Variants in GLP1R observed in about 807,000 individuals in gnomAD.
The protein encoded by GLP1R is glucagon like peptide 1 receptor.
In GLP1R, 32 loss-of-function variants were observed where a neutral mutation model predicts 68.4. That is an observed-to-expected ratio of 0.47 (90% CI 0.35 to 0.63). The LOEUF (loss-of-function observed/expected upper bound fraction) is 0.63, where lower values mean the gene tolerates loss of function less well. Among genes scored for constraint, GLP1R ranks in the 20% least tolerant of loss-of-function variants. The probability of loss-of-function intolerance (pLI) is 0.00; values close to 1 mark genes in which losing one functional copy is unlikely to be tolerated. For synonymous variants in GLP1R, 263 were observed against 244.4 expected, an observed-to-expected ratio of 1.08 and a Z score of -0.71; for missense variants, 502 against 594.9, an observed-to-expected ratio of 0.84 and a Z score of 1.62.
In GLP1R at chr6:39,085,915, G is replaced by C; in HGVS notation, c.1234G>C (p.Glu412Gln). The C allele has an allele frequency of 6.2e-7, 1 of 1,613,912 alleles. No individual in the cohort carries two copies. The highest frequency in any genetic ancestry group is 2.2e-5 in the East Asian group (1 of 44,878). The change falls in exon 13 of 13, where the codon GAA (glutamate) becomes CAA (glutamine). Residue 412 changes from glutamate to glutamine, a missense_variant. Transcript: ENST00000373256. ...YCFVNNEVQL[E>Q]FRKSWERWRL... is the part of the protein sequence containing the mutation. Reference sequence around the variant, plus strand: ...CCTTTTCCCATGGAAGGTCCAGCTGGAATTTCGGAAGAGCTGGGAGCGCTG... The same window carrying C: ...CCTTTTCCCATGGAAGGTCCAGCTGCAATTTCGGAAGAGCTGGGAGCGCTG...
At chr6:39,075,029 TACAGGCAGAGCAGGCCCTGG>T (rs1768776783) in intron 7 of GLP1R, among the ~76,000 whole-genome samples, 1 of 152,200 alleles carries the variant, frequency 6.6e-6, no homozygotes, top group Non-Finnish European at 1.5e-5. Context: ...GGCAGGGCCT[TACAGGCAGAGCAGGCCCTGG>T]AACCCAGGCC....
intron 1 of GLP1R, among the ~76,000 whole-genome samples, chr6:39,056,157 T>C (rs1415383851): frequency 6.6e-6 from 1 of 152,216 alleles, no homozygotes; most frequent in African/African-American, 2.4e-5. Flanking sequence ...AGACATTTGC[T>C]GGGTGCTCGT....
In GLP1R at chr6:39,061,557, G is replaced by A. The variant is rs144656634; in HGVS notation, c.283+3978G>A. Among the ~76,000 whole-genome samples, 254 of 152,304 alleles carry A rather than the reference G, an allele frequency of 1.7e-3. 1 individual carries two copies. The highest frequency in any genetic ancestry group is 3.2e-3 in the Non-Finnish European group (217 of 68,016). On this transcript the variant is annotated intron_variant, in intron 3 of 12. Transcript: ENST00000373256. Reference sequence around the variant, plus strand: ...TACGACAGCCTGGGGTTGCCAAGGGGAAACTGAGGCCCAAGCTTGTCCCCA... The same window carrying A: ...TACGACAGCCTGGGGTTGCCAAGGGAAAACTGAGGCCCAAGCTTGTCCCCA...
intron 3 of GLP1R, among the ~76,000 whole-genome samples, chr6:39,063,789 C>T (rs1768416639): frequency 6.6e-6 from 1 of 151,966 alleles, no homozygotes; most frequent in Admixed American, 6.6e-5. Context: ...AAAGTTGTCC[C>T]TGCCACATTT....
intron 5 of GLP1R, among the ~76,000 whole-genome samples, chr6:39,068,290 C>T (rs1171387923): frequency 1.3e-5 from 2 of 152,156 alleles, no homozygotes; most frequent in Admixed American, 6.5e-5. Context: ...CCCCAAGTCT[C>T]CCCGAAGCCC....
chr6:39,081,587 C>T (rs1583650931), intron 12 of GLP1R, among the ~76,000 whole-genome samples: 1 of 152,172 alleles, frequency 6.6e-6, no homozygotes, highest in Admixed American at 6.5e-5. Context: ...GCTTTGGAAT[C>T]CCAGAGCTCA....
At chr6:39,071,616 G>T (rs1241140826) in intron 5 of GLP1R, among the ~76,000 whole-genome samples, 2 of 151,924 alleles carry the variant, frequency 1.3e-5, no homozygotes, top group African/African-American at 2.4e-5. Flanking sequence ...CATGCAGCAA[G>T]GCTCCACGTA....
chr6:39,086,140 C>T lies in GLP1R; in HGVS notation c.*67C>T. The T allele has an allele frequency of 1.6e-6, 2 of 1,258,304 alleles. No homozygotes were observed. The highest frequency in any genetic ancestry group is 1.1e-6 in the Non-Finnish European group (1 of 873,372). The allele number at this position is 1,258,304 out of a possible 1,614,324, so 77.9% of individuals were successfully genotyped here. A position where few individuals can be genotyped will look rare whatever the true frequency, so the allele number is the denominator to read the frequency against. The stretch of plus-strand genomic sequence containing the variant: ...GGGTGGCCAATCCAGGTGGGAGAGA[C>T]ACTCCCAGGGACAAGGGAAGGAAGG... On this transcript the variant is annotated 3_prime_UTR_variant, in exon 13 of 13. Transcript: ENST00000373256. The surrounding 1 kb of genome is among the most constrained non-coding windows in gnomAD (Gnocchi z 4.5).
At chr6:39,069,902 A>G (rs1166261396) in intron 5 of GLP1R, among the ~76,000 whole-genome samples, 1 of 152,138 alleles carries the variant, frequency 6.6e-6, no homozygotes, top group African/African-American at 2.4e-5. Flanking sequence ...TATTTCTCAT[A>G]ATTTAGAGGG....
intron 5 of GLP1R, among the ~76,000 whole-genome samples, chr6:39,068,164 A>G (rs895310885): frequency 1.3e-5 from 2 of 152,242 alleles, no homozygotes; most frequent in African/African-American, 4.8e-5. Flanking sequence ...GAAAGGGGTA[A>G]CTGGTCCCAA....
chr6:39,058,777 G>A (rs1768282412), intron 3 of GLP1R, among the ~76,000 whole-genome samples: 1 of 152,184 alleles, frequency 6.6e-6, no homozygotes, highest in Admixed American at 6.5e-5. Context: ...GGTTATACCT[G>A]CTGTACAGAT....
Position 39,086,198 on chromosome 6 carries a change from C to CACACACAA in GLP1R, c.*132_*133insAACACACA, listed in dbSNP as rs1769144053. 2 of 573,694 alleles carry CACACACAA rather than the reference C, an allele frequency of 3.5e-6. No homozygotes were observed. Among genetic ancestry groups the CACACACAA allele is most frequent in the African/African-American group, 3.7e-5 (2 of 53,930 alleles). 35.5% of individuals were successfully genotyped at this position (573,694 alleles called of 1,614,324 possible). A position where few individuals can be genotyped will look rare whatever the true frequency, so the allele number is the denominator to read the frequency against. On this transcript the variant is annotated 3_prime_UTR_variant, in exon 13 of 13. Transcript: ENST00000373256. The surrounding 1 kb of genome is among the most constrained non-coding windows in gnomAD (Gnocchi z 4.5). ...ACACACACACACACACACACACACA[C>CACACACAA]ACACACATACATCCTGCTTTCCCTC...
intron 5 of GLP1R, among the ~76,000 whole-genome samples, chr6:39,071,992 A>G (rs1768681304): frequency 6.6e-6 from 1 of 152,226 alleles, no homozygotes; most frequent in Non-Finnish European, 1.5e-5. Flanking sequence ...TGTTAGACTC[A>G]TTTCAAGCTA....
In GLP1R at chr6:39,085,871, T is replaced by C. The variant is rs769736438; in HGVS notation, c.1225-35T>C. 5 of 1,608,418 alleles carry C rather than the reference T, an allele frequency of 3.1e-6. No individual in the cohort carries two copies. In the African/African-American group the frequency reaches 4.0e-5, roughly 13 times the overall value. On this transcript the variant is annotated intron_variant, in intron 12 of 12. Coordinates refer to ENST00000373256, the MANE Select transcript of GLP1R (RefSeq NM_002062.5). ...CCATTTTGTTAGCCATTGGTTTGCA[T>C]GATGGCTTTCGTTTCCCTCCTTTTC...
At position 39,087,758 on chromosome 6, in the gene GLP1R, GT is replaced by G. The variant is rs1769186256; in HGVS notation, c.*1687del. On this transcript the variant is annotated 3_prime_UTR_variant, in exon 13 of 13. Transcript: ENST00000373256. The stretch of plus-strand genomic sequence containing the variant: ...TCTTATACTTCAGCTTCAGTGAAGT[GT>G]TGTCTATGTTAATAGGCAAGTTGAA... 1 of 152,200 alleles carries G rather than the reference GT, an allele frequency of 6.6e-6. No homozygotes were observed. The highest frequency in any genetic ancestry group is 1.5e-5 in the Non-Finnish European group (1 of 68,040). 9.4% of individuals were successfully genotyped at this position (152,200 alleles called of 1,614,324 possible).
In GLP1R at chr6:39,066,350, C is replaced by G. The variant is rs10305458; in HGVS notation, c.509+47C>G. The G allele has an allele frequency of 9.1e-3, 9,198 of 1,010,208 alleles. 518 individuals are homozygous for G. In the African/African-American group the frequency reaches 0.12, roughly 13 times the overall value. The allele number at this position is 1,010,208 out of a possible 1,614,324, so 62.6% of individuals were successfully genotyped here. The stretch of plus-strand genomic sequence containing the variant: ...GAGGGGGCTGCTTCATCCTAACTCC[C>G]CCAGATAGAGGAATGAAGCAGCCCA... On this transcript the variant is annotated intron_variant, in intron 5 of 12. Coordinates refer to ENST00000373256, the MANE Select transcript of GLP1R (RefSeq NM_002062.5).
chr6:39,048,905 G>T lies in GLP1R; in HGVS notation c.65G>T (p.Gly22Val). 1 of 1,409,166 alleles carries T rather than the reference G, an allele frequency of 7.1e-7. No homozygotes were observed. The highest frequency in any genetic ancestry group is 9.3e-7 in the Non-Finnish European group (1 of 1,076,312). 87.3% of individuals were successfully genotyped at this position (1,409,166 alleles called of 1,614,324 possible). A position where few individuals can be genotyped will look rare whatever the true frequency, so the allele number is the denominator to read the frequency against. ...LLLLGMVGRA[G>V]PRPQGATVSL... ...CTGCTCGGGATGGTGGGCAGGGCCG[G>T]CCCCCGCCCCCAGGTGAGATCCAGG... The change falls in exon 1 of 13, where the codon GGC becomes GTC. Residue 22 changes from glycine (G) to valine (V), a missense_variant. Transcript: ENST00000373256.
chr6:39,082,647 C>CTAAG (rs1769036314), intron 12 of GLP1R, among the ~76,000 whole-genome samples: 1 of 152,162 alleles, frequency 6.6e-6, no homozygotes. Context: ...GTGCAAAAAC[C>CTAAG]TAAGCTCTGT....
rs1360129444 is a variant in GLP1R at position 39,072,845 on chromosome 6, C to T, written c.510-17C>T. The T allele has an allele frequency of 1.2e-6, 2 of 1,610,720 alleles. No homozygotes were observed. The highest frequency in any genetic ancestry group is 1.1e-5 in the South Asian group (1 of 90,406). On this transcript the variant is annotated splice_polypyrimidine_tract_variant and intron_variant, in intron 5 of 12. Coordinates refer to ENST00000373256, the MANE Select transcript of GLP1R (RefSeq NM_002062.5). ...GTTGGCTGCCTTGCCAGGGAAAGGC[C>T]CTGCTTTCTCCCTCAGACACCTGCA...
Sources: allele counts gnomAD v4.1 joint callset (sites outside exome capture counted in the v4.1 genomes callset), GRCh38; gene constraint gnomAD v4.1.1; non-coding constraint Gnocchi (gnomAD v3.1); transcripts MANE v1.5; gene names NCBI Gene and HGNC (gene_info 2026-07-23, HGNC 2026-07-21).